Variants in PCDHA5 observed in about 807,000 individuals in gnomAD.
PCDHA5 encodes protocadherin alpha 5.
In PCDHA5, 43 loss-of-function variants were observed where a neutral mutation model predicts 61.6. The ratio of observed to expected loss-of-function variants is 0.70; its 90% confidence interval spans 0.55 to 0.90. PCDHA5 has a LOEUF of 0.90. Among genes scored for constraint, PCDHA5 ranks in the 40% least tolerant of loss-of-function variants. The pLI, the probability that PCDHA5 is intolerant of heterozygous loss-of-function variation, is 0.00. For missense variants in PCDHA5, 1,298 were observed against 1,222.7 expected (o/e 1.06, Z -0.92); for synonymous variants, 627 against 543.9 (o/e 1.15, Z -2.13).
chr5:140,941,403 G>A lies in PCDHA5; in HGVS notation c.2353-37546G>A, dbSNP rs527986544. Among the ~76,000 whole-genome samples, 769 of 142,382 alleles carry A rather than the reference G, an allele frequency of 5.4e-3. 3 individuals carry two copies. The highest frequency in any genetic ancestry group is 0.019 in the African/African-American group (737 of 38,338). The allele number at this position is 142,382 out of a possible 152,430, so 93.4% of individuals were successfully genotyped here. On this transcript the variant is annotated intron_variant, in intron 1 of 3. Coordinates refer to ENST00000529859, the MANE Select transcript of PCDHA5 (RefSeq NM_018908.3). ...AGGATTTTGGCTCACTGCAACCTCC[G>A]CCTCCCGGGTTCAAGCAATTCTCTG...
At chr5:140,958,218 A>C (rs1240262632) in intron 1 of PCDHA5, among the ~76,000 whole-genome samples, 2 of 152,120 alleles carry the variant, frequency 1.3e-5, no homozygotes, top group Admixed American at 1.3e-4. Flanking sequence ...TTAGATTTTA[A>C]AGGACTTTCA....
chr5:140,978,526 A>G (rs1197468187), intron 1 of PCDHA5, among the ~76,000 whole-genome samples: 5 of 152,248 alleles, frequency 3.3e-5, no homozygotes, highest in Admixed American at 2.0e-4. Flanking sequence ...CAGCCAGGCC[A>G]GCAGAACTTG....
chr5:140,832,463 A>G (rs1009680795), intron 1 of PCDHA5, among the ~76,000 whole-genome samples: 1 of 152,236 alleles, frequency 6.6e-6, no homozygotes, highest in South Asian at 2.1e-4. Context: ...TTGCACTAAA[A>G]TTTAAAAAAA....
chr5:140,862,968 G>A (rs1554157319), intron 1 of PCDHA5: 1 of 544,810 alleles, frequency 1.8e-6, no homozygotes, highest in Non-Finnish European at 3.6e-6. Flanking sequence ...GTGGATGCAG[G>A]CCACTTGGTG....
chr5:140,941,191 T>TTTTTTTTCTTTC (rs1554213809), intron 1 of PCDHA5, among the ~76,000 whole-genome samples: 2 of 93,204 alleles, frequency 2.1e-5, no homozygotes, highest in African/African-American at 7.9e-5. Context: ...GCTTCTTTTT[T>TTTTTTTTCTTTC]TTTCTTTCTT....
intron 1 of PCDHA5, among the ~76,000 whole-genome samples, chr5:140,954,779 G>T (rs2095086497): frequency 6.6e-6 from 1 of 152,108 alleles, no homozygotes; most frequent in Non-Finnish European, 1.5e-5. Flanking sequence ...AATTTAATTA[G>T]ATCTCATTTG....
At position 140,822,615 on chromosome 5, in the gene PCDHA5, T is replaced by C. The variant is rs2150117790; in HGVS notation, c.840T>C (p.Phe280=). The change falls in exon 1 of 4, where the codon TTT becomes TTC. Residue 280 remains phenylalanine (F), a synonymous_variant. Transcript: ENST00000529859. ...EGINKEIVYF[F]SNLVLDDVKS... ...TCAATAAGGAAATAGTGTATTTCTT[T>C]AGTAATCTTGTTCTTGACGATGTAA... 2 of 1,611,632 alleles carry C rather than the reference T, an allele frequency of 1.2e-6. No individual in the cohort carries two copies. Among genetic ancestry groups the C allele is most frequent in the Non-Finnish European group, 1.7e-6 (2 of 1,178,162 alleles).
intron 1 of PCDHA5, among the ~76,000 whole-genome samples, chr5:140,974,423 C>T (rs2096627451): frequency 6.6e-6 from 1 of 152,166 alleles, no homozygotes; most frequent in Non-Finnish European, 1.5e-5. Flanking sequence ...ATTTTACTTT[C>T]CTGGTTTGTA....
intron 3 of PCDHA5, among the ~76,000 whole-genome samples, chr5:140,996,253 A>C (rs2153938437): frequency 6.6e-6 from 1 of 152,370 alleles, no homozygotes; most frequent in African/African-American, 2.4e-5. Flanking sequence ...AAGTGACAGC[A>C]ACACAGAGCC....
At position 140,978,997 on chromosome 5, in the gene PCDHA5, G is replaced by C. The variant is rs782253140; in HGVS notation, c.2401G>C (p.Gly801Arg). The C allele has an allele frequency of 2.7e-5, 44 of 1,614,040 alleles. No individual in the cohort carries two copies. Among genetic ancestry groups the C allele is most frequent in the Non-Finnish European group, 3.6e-5 (43 of 1,180,028 alleles). ...GCGTTACTCTGCCTCCCTGAGAGCA[G>C]GCATGCACAGGTATGTATTTCCCTC... ...DWRYSASLRAGMHSSVHLEEA... is the reference protein window; with the variant it reads ...DWRYSASLRARMHSSVHLEEA... Residue 801 changes from glycine to arginine, a missense_variant, in exon 2 of 4, where the codon GGC becomes CGC. Transcript: ENST00000529859.
At chr5:140,825,516 C>T (rs1278586078) in intron 1 of PCDHA5, 1 of 151,016 alleles carries the variant, frequency 6.6e-6, no homozygotes, top group Non-Finnish European at 1.5e-5. Flanking sequence ...TCTTGGCCTC[C>T]CAGGTTCAAG....
At position 141,010,025 on chromosome 5, in the gene PCDHA5, A is replaced by T; in HGVS notation, c.*88A>T. On this transcript the variant is annotated 3_prime_UTR_variant, in exon 4 of 4. Coordinates refer to ENST00000529859, the MANE Select transcript of PCDHA5 (RefSeq NM_018908.3). ...TAGCAATTCCCTGCTCCTTTTTCCT[A>T]TCTACATGAGCCCTCTTAGAGACCT... The T allele has an allele frequency of 6.4e-7, 1 of 1,573,940 alleles. No homozygotes were observed. The highest frequency in any genetic ancestry group is 1.2e-5 in the South Asian group (1 of 82,592).
intron 3 of PCDHA5, among the ~76,000 whole-genome samples, chr5:140,990,733 A>G (rs2097410113): frequency 6.6e-6 from 1 of 152,198 alleles, no homozygotes; most frequent in Admixed American, 6.5e-5. Flanking sequence ...GTATATCAAC[A>G]GCCCTAGGGT....
Position 140,823,475 on chromosome 5 carries a change from C to T in PCDHA5, c.1700C>T (p.Pro567Leu). Reference sequence around the variant, plus strand: ...GACAACGCGCCGGCGCTGCTGGTGCCTCGAGTGGGTGGCACCGGCGGCGCA... The same window carrying T: ...GACAACGCGCCGGCGCTGCTGGTGCTTCGAGTGGGTGGCACCGGCGGCGCA... ...ENDNAPALLV[P>L]RVGGTGGAVS... The change falls in exon 1 of 4, where the codon CCT becomes CTT. Residue 567 changes from proline (P) to leucine (L), a missense_variant. Pro to Leu is a moderately conservative substitution (Grantham distance 98). Coordinates refer to ENST00000529859, the MANE Select transcript of PCDHA5 (RefSeq NM_018908.3). 6.2e-7 allele frequency: 1 copy of T among 1,613,450 alleles called. No homozygotes were observed. Among genetic ancestry groups the T allele is most frequent in the Non-Finnish European group, 8.5e-7 (1 of 1,179,712 alleles).
chr5:140,821,951 T>G lies in PCDHA5; in HGVS notation c.176T>G (p.Val59Gly), dbSNP rs2150112237. The stretch of plus-strand genomic sequence containing the variant: ...CTAGGGCTGGAGCTGGCGGAGCTGG[T>G]GCCGCGCCTGTTCCGGGTGGCGTCC... ...QDLGLELAEL[V>G]PRLFRVASKG... The change falls in exon 1 of 4, where the codon GTG becomes GGG. Residue 59 changes from valine (V) to glycine (G), a missense_variant. Coordinates refer to ENST00000529859, the MANE Select transcript of PCDHA5 (RefSeq NM_018908.3). 1.2e-6 allele frequency: 2 copies of G among 1,614,172 alleles called. No homozygotes were observed. The highest frequency in any genetic ancestry group is 2.2e-5 in the South Asian group (2 of 91,078).
At chr5:140,968,150 A>G (rs1554230413) in intron 1 of PCDHA5, 2 of 1,614,180 alleles carry the variant, frequency 1.2e-6, no homozygotes, top group Admixed American at 1.7e-5. Flanking sequence ...GATCTCTGAC[A>G]TCAATGACAA....
At chr5:140,913,282 AG>A (rs1231451737) in intron 1 of PCDHA5, among the ~76,000 whole-genome samples, 20 of 152,154 alleles carry the variant, frequency 1.3e-4, no homozygotes, top group African/African-American at 4.6e-4. Flanking sequence ...TGGTCTGTTT[AG>A]GTTTTAATTT....
chr5:140,850,743 T>C, intron 1 of PCDHA5: 1 of 1,597,890 alleles, frequency 6.3e-7, no homozygotes, highest in Non-Finnish European at 8.6e-7. Context: ...GAGTTGGTCG[T>C]ACTCGCAGCA....
intron 1 of PCDHA5, chr5:140,969,388 A>G: frequency 6.3e-7 from 1 of 1,595,066 alleles, no homozygotes; most frequent in Non-Finnish European, 8.5e-7. Flanking sequence ...CACATCCCCC[A>G]ATATCCTGTG....
Sources: gnomAD v4.1 joint callset for allele counts (sites outside exome capture counted in the v4.1 genomes callset) on GRCh38, gnomAD v4.1.1 for gene constraint, MANE v1.5 for transcripts, NCBI Gene and HGNC (gene_info 2026-07-23, HGNC 2026-07-21) for gene names.